The following MGAT5 variants were observed in gnomAD, a reference collection of about 807,000 sequenced individuals.
MGAT5 encodes the protein alpha-1,6-mannosylglycoprotein 6-beta-N-acetylglucosaminyltransferase.
MGAT5 carries 30 observed loss-of-function variants against 94.3 expected under a neutral mutation model. That is an observed-to-expected ratio of 0.32 (90% CI 0.24 to 0.43). The LOEUF is 0.43. Ranked by LOEUF, MGAT5 falls within the 20% of genes least tolerant of loss-of-function variation. MGAT5 has a pLI of 1.00. For synonymous variants in MGAT5, 310 were observed against 322.9 expected, an observed-to-expected ratio of 0.96 and a Z score of 0.43; for missense variants, 691 against 905.5, an observed-to-expected ratio of 0.76 and a Z score of 3.04.
chr2:134,237,695 T>G lies in MGAT5; in HGVS notation c.-142-16567T>G, dbSNP rs537385005. On this transcript the variant is annotated intron_variant, in intron 1 of 16. Coordinates refer to the MGAT5 transcript ENST00000409645. ...GAGTGCAGTTTTTGTTTTTGTTTTT[T>G]TTTTTTTTGAGATGGAGTCTTGCTC... 1.9e-4 allele frequency among the ~76,000 whole-genome samples: 11 copies of G among 59,218 alleles called. 1 individual carries two copies. The highest frequency in any genetic ancestry group is 5.4e-4 in the South Asian group (1 of 1,846). The allele number at this position is 59,218 out of a possible 152,430, so 38.8% of individuals were successfully genotyped here. A position where few individuals can be genotyped will look rare whatever the true frequency, so the allele number is the denominator to read the frequency against.
chr2:134,389,227 CTAAT>C (rs1316752421), intron 10 of MGAT5, among the ~76,000 whole-genome samples: 5 of 152,190 alleles, frequency 3.3e-5, no homozygotes, highest in Admixed American at 2.6e-4. Context: ...TAGTGATAGT[CTAAT>C]TAAGTGTCTT....
intron 2 of MGAT5, 116 bp from the exon 3 acceptor site, chr2:134,317,413 C>A: frequency 1.7e-6 from 1 of 600,506 alleles, no homozygotes; most frequent in Non-Finnish European, 2.7e-6. Flanking sequence ...CAGAGCATGG[C>A]TGCCAACAGA....
chr2:134,334,216 A>C (rs1688189721), intron 4 of MGAT5, among the ~76,000 whole-genome samples: 1 of 152,190 alleles, frequency 6.6e-6, no homozygotes, highest in South Asian at 2.1e-4. Context: ...TACAGTCTTC[A>C]GGCTTCTGTA....
intron 10 of MGAT5, among the ~76,000 whole-genome samples, chr2:134,374,306 T>A (rs1409287166): frequency 3.3e-5 from 5 of 152,184 alleles, no homozygotes; most frequent in Non-Finnish European, 7.3e-5. Context: ...TACTTAAATT[T>A]TTGATAGACG....
At chr2:134,147,190 G>A (rs1011179148) in intron 1 of MGAT5, among the ~76,000 whole-genome samples, 1 of 152,122 alleles carries the variant, frequency 6.6e-6, no homozygotes. Context: ...TGGGATAATG[G>A]TACAGCATGG....
chr2:134,251,360 G>A (rs1682581789), upstream of MGAT5, among the ~76,000 whole-genome samples: 1 of 152,186 alleles, frequency 6.6e-6, no homozygotes, highest in Non-Finnish European at 1.5e-5. Flanking sequence ...GGCGCGGAGC[G>A]GAGTGGAGGA....
intron 3 of MGAT5, 35 bp downstream of exon 3, chr2:134,317,640 C>G: frequency 7.4e-7 from 1 of 1,359,138 alleles, no homozygotes; most frequent in Non-Finnish European, 9.9e-7. Context: ...CCAATCTGCA[C>G]AAACACCCCT....
intron 7 of MGAT5, among the ~76,000 whole-genome samples, chr2:134,343,713 T>C (rs1688759192): frequency 6.6e-6 from 1 of 152,112 alleles, no homozygotes; most frequent in Non-Finnish European, 1.5e-5. Context: ...ACACTGAACA[T>C]GGGGTGGACC....
chr2:134,222,456 GT>G (rs1214729721), intron 1 of MGAT5, among the ~76,000 whole-genome samples: 1 of 152,268 alleles, frequency 6.6e-6, no homozygotes, highest in African/African-American at 2.4e-5. Flanking sequence ...CTTGAAAATT[GT>G]GGGACCAACA....
intron 1 of MGAT5, among the ~76,000 whole-genome samples, chr2:134,226,792 T>C (rs551169514): frequency 5.9e-5 from 9 of 152,228 alleles, no homozygotes; most frequent in East Asian, 1.9e-4. Context: ...CCTGCTCTTA[T>C]GGGGTTTATG....
intron 2 of MGAT5, among the ~76,000 whole-genome samples, chr2:134,287,158 C>T (rs1317210717): frequency 6.6e-6 from 1 of 152,136 alleles, no homozygotes; most frequent in African/African-American, 2.4e-5. Flanking sequence ...TCATCTTATC[C>T]TTCCTGTTCA....
rs1686138303 is a variant in MGAT5, at chr2:134,452,114, AG to A, written c.*3268del. The A allele has an allele frequency of 6.6e-6, 1 of 152,176 alleles. No homozygotes were observed. The highest frequency in any genetic ancestry group is 1.5e-5 in the Non-Finnish European group (1 of 68,060). 9.4% of individuals were successfully genotyped at this position (152,176 alleles called of 1,614,324 possible). A position where few individuals can be genotyped will look rare whatever the true frequency, so the allele number is the denominator to read the frequency against. ...ACAGGACATGTTCTTGAGCCACTGT[AG>A]CTGTTGAAGCTGGACACCAGACGCT... On this transcript the variant is annotated 3_prime_UTR_variant, in exon 16 of 16. Coordinates refer to ENST00000281923, the MANE Select transcript of MGAT5 (RefSeq NM_002410.5).
At chr2:134,370,657 T>A (rs1680731491) in intron 10 of MGAT5, among the ~76,000 whole-genome samples, 1 of 152,260 alleles carries the variant, frequency 6.6e-6, no homozygotes, top group Non-Finnish European at 1.5e-5. Context: ...CAAGCCATGG[T>A]TACCTGTGCC....
chr2:134,420,299 G>A (rs1401669464), intron 12 of MGAT5, among the ~76,000 whole-genome samples: 2 of 152,054 alleles, frequency 1.3e-5, no homozygotes, highest in African/African-American at 4.8e-5. Context: ...TCAGAAGTGT[G>A]CAGAGAAAAA....
chr2:134,379,406 A>G (rs547044671), intron 10 of MGAT5, among the ~76,000 whole-genome samples: 13 of 152,332 alleles, frequency 8.5e-5, no homozygotes, highest in African/African-American at 3.1e-4. Context: ...TCAGGAATAG[A>G]CACAGAGGTC....
intron 1 of MGAT5, among the ~76,000 whole-genome samples, chr2:134,216,868 A>G (rs1469084944): frequency 1.3e-5 from 2 of 152,196 alleles, no homozygotes; most frequent in Admixed American, 6.6e-5. Context: ...TAAGAGCCAT[A>G]GGAATAGATT....
At chr2:134,358,853 G>A (rs1265392802) in intron 9 of MGAT5, among the ~76,000 whole-genome samples, 1 of 152,188 alleles carries the variant, frequency 6.6e-6, no homozygotes, top group Non-Finnish European at 1.5e-5. Flanking sequence ...ATTGTAGTTT[G>A]TCAATACTTA....
intron 9 of MGAT5, among the ~76,000 whole-genome samples, chr2:134,361,043 A>G (rs577494374): frequency 1.3e-5 from 2 of 152,250 alleles, no homozygotes; most frequent in South Asian, 4.1e-4. Context: ...ATGGCGGGCG[A>G]CATTGGAGGC....
chr2:134,401,442 G>C (rs969976314), intron 10 of MGAT5, among the ~76,000 whole-genome samples: 2 of 152,132 alleles, frequency 1.3e-5, no homozygotes, highest in Non-Finnish European at 2.9e-5. Context: ...GGCCAGCCTA[G>C]GAGTGGGTCC....
Sources: gnomAD v4.1 joint callset for allele counts (sites outside exome capture counted in the v4.1 genomes callset) on GRCh38, gnomAD v4.1.1 for gene constraint, MANE v1.5 for transcripts, NCBI Gene and HGNC (gene_info 2026-07-23, HGNC 2026-07-21) for gene names.